The following MPDZ variants were observed in gnomAD, a reference collection of about 807,000 sequenced individuals.
The protein encoded by MPDZ is multiple PDZ domain protein.
Under a neutral mutation model 239.1 loss-of-function variants are expected in MPDZ, and 234 were observed. The ratio of observed to expected loss-of-function variants is 0.98; its 90% CI spans 0.88 to 1.09. MPDZ has a LOEUF of 1.09. Among genes scored for constraint, MPDZ ranks in the 50% least tolerant of loss-of-function variants. The pLI is 0.00. For synonymous variants in MPDZ, 1,048 were observed against 881.3 expected (o/e 1.19, Z -3.35); for missense variants, 3,175 against 2,510.0 (o/e 1.26, Z -5.66).
Position 13,212,683 on chromosome 9 carries a change from G to C in MPDZ, c.1290+4091C>G, listed in dbSNP as rs192900791. Among the ~76,000 whole-genome samples the C allele has an allele frequency of 3.4e-3, 509 of 150,016 alleles. 2 individuals carry two copies. Among genetic ancestry groups the C allele is most frequent in the African/African-American group, 0.012 (489 of 40,840 alleles). On this transcript the variant is annotated intron_variant, in intron 10 of 46. Transcript: ENST00000319217. ...CCTATGTGCTATCTCATGAAAAGAA[G>C]AGATCCAGGCCAGGTGCGGTGGCTA...
At chr9:13,157,616 G>A (rs1355608041) in intron 24 of MPDZ, among the ~76,000 whole-genome samples, 1 of 151,136 alleles carries the variant, frequency 6.6e-6, no homozygotes, top group East Asian at 1.9e-4. Flanking sequence ...AGGCTATGAG[G>A]GTACTTTTAC....
At chr9:13,212,257 A>G (rs546439745) in intron 10 of MPDZ, among the ~76,000 whole-genome samples, 4 of 151,768 alleles carry the variant, frequency 2.6e-5, no homozygotes, top group Non-Finnish European at 5.9e-5. Context: ...AGAGAATAAT[A>G]CTAGCACAGA....
intron 32 of MPDZ, among the ~76,000 whole-genome samples, chr9:13,131,693 A>T (rs967962501): frequency 6.6e-6 from 1 of 152,190 alleles, no homozygotes; most frequent in Non-Finnish European, 1.5e-5. Context: ...TATGTAAAGA[A>T]TACTTTCTAG....
Position 13,125,376 on chromosome 9 carries a change from C to T in MPDZ, c.4647G>A (p.Leu1549=). Residue 1549 remains leucine (L), a synonymous_variant, in exon 35 of 47, where the codon CTG becomes CTA. Coordinates refer to ENST00000319217, the MANE Select transcript of MPDZ (RefSeq NM_001378778.1). ...GTTTTACTGTCATCTTTGCTGTCTT[C>T]AGAAGGCTAATAAACTGGCAGGGTG... The part of the protein sequence containing the change: ...GYPIEKFISL[L]KTAKMTVKLT... The T allele has an allele frequency of 1.2e-6, 2 of 1,613,452 alleles. No homozygotes were observed. Among genetic ancestry groups the T allele is most frequent in the Non-Finnish European group, 1.7e-6 (2 of 1,179,502 alleles).
chr9:13,276,204 CTACATGAA>C (rs1317647595), intron 1 of MPDZ, among the ~76,000 whole-genome samples: 1 of 152,196 alleles, frequency 6.6e-6, no homozygotes, highest in African/African-American at 2.4e-5. Flanking sequence ...TTACTACCTA[CTACATGAA>C]TACCTCGGAT....
At position 13,110,004 on chromosome 9, in the gene MPDZ, T is replaced by C. The variant is rs764046623; in HGVS notation, c.5890A>G (p.Ser1964Gly). Reference protein sequence around the residue: ...TGHQQEPASSSLSFTGLTSSS... With the variant: ...TGHQQEPASSGLSFTGLTSSS... ...GACGTCAGCCCAGTGAAAGAAAGAC[T>C]GGAACTTGCAGGCTCCTGCTGATGA... Residue 1964 changes from serine to glycine, a missense_variant, in exon 45 of 47, where the codon AGT becomes GGT. By Grantham distance (56) the Ser-to-Gly change is moderately conservative (BLOSUM62 0). Coordinates refer to ENST00000319217, the MANE Select transcript of MPDZ (RefSeq NM_001378778.1). 2 of 1,613,448 alleles carry C rather than the reference T, an allele frequency of 1.2e-6. No homozygotes were observed. The highest frequency in any genetic ancestry group is 1.1e-5 in the South Asian group (1 of 90,996).
rs1944642046 is a variant in MPDZ, at chr9:13,123,299, CTAAAAA to C, written c.4808-7_4808-2del. 4 of 1,599,626 alleles carry C rather than the reference CTAAAAA, an allele frequency of 2.5e-6. No homozygotes were observed. The South Asian group carries it at 3.4e-5, about 14-fold the overall frequency. On this transcript the variant is annotated splice_acceptor_variant and splice_polypyrimidine_tract_variant and intron_variant, in intron 35 of 46. Coordinates refer to ENST00000319217, the MANE Select transcript of MPDZ (RefSeq NM_001378778.1). LOFTEE classifies it high-confidence loss of function. ...GCTGGTGTTGATGATCTGCTTGTAT[CTAAAAA>C]TAAGTTAAAAATGAAATACAAATAA...
intron 13 of MPDZ, among the ~76,000 whole-genome samples, chr9:13,195,126 A>G (rs1222480901): frequency 1.3e-5 from 2 of 152,094 alleles, no homozygotes; most frequent in Non-Finnish European, 1.5e-5. Flanking sequence ...AGTCTCTACA[A>G]AAAATACAAA....
chr9:13,252,573 A>C (rs1968357179), intron 1 of MPDZ, among the ~76,000 whole-genome samples: 1 of 148,386 alleles, frequency 6.7e-6, no homozygotes, highest in African/African-American at 2.5e-5. Flanking sequence ...CCCCGCAAAA[A>C]AAAAAAAAAA....
intron 1 of MPDZ, among the ~76,000 whole-genome samples, chr9:13,264,437 C>T (rs1158286370): frequency 1.3e-5 from 2 of 151,874 alleles, no homozygotes; most frequent in African/African-American, 2.4e-5. Context: ...TTGAAAGGAG[C>T]GTCAAAAAAC....
intron 40 of MPDZ, 38 bp downstream of exon 40, chr9:13,115,210 C>A (rs1943197704): frequency 6.4e-7 from 1 of 1,558,978 alleles, no homozygotes; most frequent in Non-Finnish European, 8.8e-7. Context: ...TCTTGGCATG[C>A]CGATTGCATC....
chr9:13,207,992 A>G (rs1468243444), intron 10 of MPDZ, among the ~76,000 whole-genome samples: 1 of 151,504 alleles, frequency 6.6e-6, no homozygotes, highest in Non-Finnish European at 1.5e-5. Context: ...GAATTGCAAA[A>G]TGACTATAAA....
intron 25 of MPDZ, 117 bp from the exon 26 acceptor site, chr9:13,147,775 A>G (rs1259188591): frequency 4.3e-6 from 3 of 693,972 alleles, no homozygotes; most frequent in Non-Finnish European, 7.3e-6. Flanking sequence ...TTTTAATATC[A>G]AAAATAATTG....
chr9:13,190,187 C>T lies in MPDZ; in HGVS notation c.2081G>A (p.Trp694Ter), dbSNP rs1478187914. Residue 694 changes from tryptophan (W) to a stop codon, truncating the protein, a stop_gained, in exon 16 of 47, where the codon TGG (tryptophan) becomes TAG (stop). Coordinates refer to ENST00000319217, the MANE Select transcript of MPDZ (RefSeq NM_001378778.1). LOFTEE classifies it high-confidence loss of function. The part of the protein sequence containing the change: ...TEEVQAPLAM[W>*]EAGIQHIELE... ...CTCTATGTGCTGAATGCCAGCCTCC[C>T]ACATGGCCAAAGGTGCTTGAACCTC... 1.2e-6 allele frequency: 2 copies of T among 1,613,264 alleles called. No individual in the cohort carries two copies. Among genetic ancestry groups the T allele is most frequent in the African/African-American group, 1.3e-5 (1 of 75,010 alleles).
intron 12 of MPDZ, among the ~76,000 whole-genome samples, chr9:13,197,593 T>C (rs1439483114): frequency 6.6e-6 from 1 of 152,176 alleles, no homozygotes; most frequent in Non-Finnish European, 1.5e-5. Context: ...AAACATTTAT[T>C]ATATTTTTTG....
intron 19 of MPDZ, among the ~76,000 whole-genome samples, chr9:13,176,645 C>T (rs763355324): frequency 1.3e-5 from 2 of 152,264 alleles, no homozygotes; most frequent in Non-Finnish European, 2.9e-5. Flanking sequence ...ATACATCTCA[C>T]GTTCTACTGA....
At chr9:13,126,327 A>G (rs1340399822) in intron 34 of MPDZ, among the ~76,000 whole-genome samples, 189 bp downstream of exon 34, 1 of 152,214 alleles carries the variant, frequency 6.6e-6, no homozygotes, top group African/African-American at 2.4e-5. Context: ...GTGGCAACGA[A>G]AAATACCTTA....
chr9:13,216,734 C>A, intron 10 of MPDZ, 40 bp downstream of exon 10: 1 of 1,422,344 alleles, frequency 7.0e-7, no homozygotes, highest in Non-Finnish European at 9.8e-7. Flanking sequence ...AATTCTCAAC[C>A]ATGAAAATTA....
At chr9:13,159,413 G>A (rs1950203923) in intron 23 of MPDZ, among the ~76,000 whole-genome samples, 1 of 152,160 alleles carries the variant, frequency 6.6e-6, no homozygotes, top group Admixed American at 6.6e-5. Flanking sequence ...CTGGTGGGAA[G>A]AGCTCCAAGA....
Sources: allele counts gnomAD v4.1 joint callset (sites outside exome capture counted in the v4.1 genomes callset), GRCh38; gene constraint gnomAD v4.1.1; transcripts MANE v1.5; gene names NCBI Gene and HGNC (gene_info 2026-07-23, HGNC 2026-07-21).